The following DHX30 variants were observed in gnomAD, a reference collection of about 807,000 sequenced individuals.
The protein encoded by DHX30 is DExH-box helicase 30, also known as ATP-dependent RNA helicase DHX30.
A neutral mutation model predicts 116.9 loss-of-function variants in DHX30; 4 were observed. The ratio of observed to expected loss-of-function variants is 0.03; its 90% CI spans 0.02 to 0.08. The LOEUF is 0.08. Ranked by LOEUF, DHX30 falls within the 10% of genes least tolerant of loss-of-function variation. The pLI, the probability that DHX30 is intolerant of heterozygous loss-of-function variation, is 1.00. For synonymous variants in DHX30, 697 were observed against 651.7 expected, an observed-to-expected ratio of 1.07 and a Z score of -1.06; for missense variants, 871 against 1,595.1, an observed-to-expected ratio of 0.55 and a Z score of 7.73.
intron 6 of DHX30, chr3:47,831,207 G>T (rs1472332567): frequency 6.6e-6 from 1 of 152,044 alleles, no homozygotes; most frequent in Admixed American, 6.6e-5. Context: ...CTTCTGGTGA[G>T]GCCTCAGGAA....
chr3:47,826,022 T>A (rs910238305), intron 4 of DHX30: 1 of 152,230 alleles, frequency 6.6e-6, no homozygotes, highest in African/African-American at 2.4e-5. Context: ...CAGAGTTACA[T>A]CAGAACGCTT....
At chr3:47,832,091 A>G (rs1224325852) in intron 6 of DHX30, among the ~76,000 whole-genome samples, 1 of 144,212 alleles carries the variant, frequency 6.9e-6, no homozygotes, top group African/African-American at 2.6e-5. Flanking sequence ...TTTTTTTTTT[A>G]ATAGAGACAG....
rs1470666066 is a variant in DHX30, at chr3:47,850,028, C to G, written c.3493C>G (p.Gln1165Glu). The G allele has an allele frequency of 6.2e-6, 10 of 1,608,566 alleles. No homozygotes were observed. Among genetic ancestry groups the G allele is most frequent in the East Asian group, 2.2e-5 (1 of 44,716 alleles). The change falls in exon 22 of 22, where the codon CAG (glutamine) becomes GAG (glutamate). Residue 1165 changes from glutamine to glutamate, a missense_variant. Physicochemically the swap from Gln to Glu is conservative, Grantham distance 29. Around this residue, in one of 13 missense-constraint regions of DHX30, gnomAD observed 52 missense variants for 50.1 expected, o/e 1.04. Coordinates refer to ENST00000445061, the MANE Select transcript of DHX30 (RefSeq NM_138615.3). ...GCTGGCTGCACTTCCCCCCAGCGTA[C>G]AGGAGGAGCACGGGCAGCTGCTTGC... ...SELAALPPSV[Q>E]EEHGQLLALL...
In DHX30 at chr3:47,849,896, A is replaced by G. The variant is rs1220113743; in HGVS notation, c.3361A>G (p.Ser1121Gly). The change falls in exon 22 of 22, where the codon AGC becomes GGC. Residue 1121 changes from serine to glycine, a missense_variant. Around this residue, in one of 13 missense-constraint regions of DHX30, gnomAD observed 238 missense variants for 481.0 expected, o/e 0.49. Coordinates refer to ENST00000445061, the MANE Select transcript of DHX30 (RefSeq NM_138615.3). ...DDGRRATISL[S>G]DSDLLRLEGD... ...CGGGCGCCGGGCCACCATCTCACTGAGCGACAGTGACCTGCTGCGGCTGGA... is the reference window on the plus strand; with the variant it reads ...CGGGCGCCGGGCCACCATCTCACTGGGCGACAGTGACCTGCTGCGGCTGGA... The G allele has an allele frequency of 1.9e-6, 3 of 1,613,278 alleles. No homozygotes were observed. Among genetic ancestry groups the G allele is most frequent in the South Asian group, 1.1e-5 (1 of 91,026 alleles).
chr3:47,827,321 TA>T (rs2036594703), intron 4 of DHX30, 25 bp from the exon 5 acceptor site: 1 of 1,591,172 alleles, frequency 6.3e-7, no homozygotes, highest in Admixed American at 1.9e-5. Flanking sequence ...AGAACAACTG[TA>T]ATGCTTTTGT....
In DHX30 at chr3:47,841,851, T is replaced by C. The variant is rs2037389150; in HGVS notation, c.789+114T>C. 7 of 1,457,160 alleles carry C rather than the reference T, an allele frequency of 4.8e-6. 1 individual carries two copies. In the South Asian group the frequency reaches 8.5e-5, roughly 18 times the overall value. The allele number at this position is 1,457,160 out of a possible 1,614,324, so 90.3% of individuals were successfully genotyped here. The stretch of plus-strand genomic sequence containing the variant: ...GGGGTGTGTTCCTCCAGCCCAAACC[T>C]AGGCCAGGTGGAGGAACTCCTGCTT... On this transcript the variant is annotated intron_variant, in intron 8 of 21. Coordinates refer to ENST00000445061, the MANE Select transcript of DHX30 (RefSeq NM_138615.3).
rs960221299 is a variant in DHX30 at position 47,847,637 on chromosome 3, C to G, written c.2110+101C>G. On this transcript the variant is annotated intron_variant, in intron 13 of 21. Transcript: ENST00000445061. This position sits in a 1 kb window ranked among gnomAD's most constrained non-coding sequence, Gnocchi z 5.5. Reference sequence around the variant, plus strand: ...GACTCCAGGGGCCCCGGTTTCTGACCAAGCTGTGGCACTTTTCACTGGGCA... The same window carrying G: ...GACTCCAGGGGCCCCGGTTTCTGACGAAGCTGTGGCACTTTTCACTGGGCA... 3.4e-6 allele frequency: 5 copies of G among 1,451,526 alleles called. No individual in the cohort carries two copies. Among genetic ancestry groups the G allele is most frequent in the South Asian group, 2.7e-5 (2 of 72,958 alleles). 89.9% of individuals were successfully genotyped at this position (1,451,526 alleles called of 1,614,324 possible).
intron 6 of DHX30, among the ~76,000 whole-genome samples, chr3:47,830,072 T>C (rs2036772424): frequency 6.6e-6 from 1 of 151,294 alleles, no homozygotes; most frequent in Admixed American, 6.6e-5. Context: ...CTTTGTGATC[T>C]GCCTACCTCG....
rs1319126187 is a variant in DHX30, at chr3:47,847,028, G to A, written c.1929+27G>A. On this transcript the variant is annotated intron_variant, in intron 11 of 21. Coordinates refer to ENST00000445061, the MANE Select transcript of DHX30 (RefSeq NM_138615.3). The surrounding 1 kb of genome is among the most constrained non-coding windows in gnomAD (Gnocchi z 5.5). ...TGAGGGACACCCCCATCCCACCCAA[G>A]GCTCCTGGCCTTTCCTCCGTGGATG... 3.1e-6 allele frequency: 5 copies of A among 1,593,192 alleles called. No individual in the cohort carries two copies. The African/African-American group carries it at 6.7e-5, about 21-fold the overall frequency.
At chr3:47,842,461 G>A (rs1051754846) in intron 8 of DHX30, 1 of 152,298 alleles carries the variant, frequency 6.6e-6, no homozygotes, top group Non-Finnish European at 1.5e-5. Context: ...TGCTCTTCTT[G>A]TAACCATTTG....
chr3:47,843,552 G>T (rs569658191), intron 9 of DHX30, among the ~76,000 whole-genome samples: 3 of 152,208 alleles, frequency 2.0e-5, no homozygotes, highest in Admixed American at 6.5e-5. Context: ...AAAGCCGGGA[G>T]GAGCCGGGCC....
At chr3:47,822,448 A>T in intron 4 of DHX30, 1 of 139,036 alleles carries the variant, frequency 7.2e-6, no homozygotes, top group East Asian at 2.2e-4. Flanking sequence ...CAAAAGGCAC[A>T]TCTTACATGG....
chr3:47,831,354 TGA>T (rs1262033389), intron 6 of DHX30, among the ~76,000 whole-genome samples: 3 of 152,126 alleles, frequency 2.0e-5, no homozygotes, highest in Admixed American at 6.5e-5. Flanking sequence ...AAGCCATTCA[TGA>T]GAGATCTGCC....
At chr3:47,815,837 A>G (rs1056298440) in intron 3 of DHX30, 2 of 745,484 alleles carry the variant, frequency 2.7e-6, no homozygotes, top group South Asian at 6.2e-5. Context: ...CTCCAGGTAC[A>G]TGGTCAGAAG....
At chr3:47,822,067 C>G (rs2036323365) in intron 4 of DHX30, 1 of 152,218 alleles carries the variant, frequency 6.6e-6, no homozygotes, top group African/African-American at 2.4e-5. Context: ...ATGAGTGTGG[C>G]TCTGTTCCAA....
Position 47,847,277 on chromosome 3 carries a change from A to G in DHX30, c.1934A>G (p.Glu645Gly). The G allele has an allele frequency of 6.2e-7, 1 of 1,614,218 alleles. No homozygotes were observed. Residue 645 changes from glutamate (E) to glycine (G), a missense_variant, in exon 12 of 22, where the codon GAG (glutamate) becomes GGG (glycine). Physicochemically the swap from Glu to Gly is moderately conservative, Grantham distance 98. Around this residue, in one of 13 missense-constraint regions of DHX30, gnomAD observed 61 missense variants for 106.7 expected, o/e 0.57. Coordinates refer to ENST00000445061, the MANE Select transcript of DHX30 (RefSeq NM_138615.3). The surrounding 1 kb of genome is among the most constrained non-coding windows in gnomAD (Gnocchi z 5.5). ...YLHRHRHHES[E>G]DECALDLDLV... The stretch of plus-strand genomic sequence containing the variant: ...GCCTCTCTTCCCCCACCCCAGTCTG[A>G]GGATGAATGCGCACTCGATTTGGAC...
At chr3:47,807,073 G>A (rs1268589199) in intron 2 of DHX30, among the ~76,000 whole-genome samples, 1 of 152,076 alleles carries the variant, frequency 6.6e-6, no homozygotes, top group Admixed American at 6.5e-5. Flanking sequence ...AGGCGTGGTG[G>A]CGGGTGCCTG....
At chr3:47,837,019 A>G (rs2037148267) in intron 6 of DHX30, among the ~76,000 whole-genome samples, 1 of 152,220 alleles carries the variant, frequency 6.6e-6, no homozygotes, top group South Asian at 2.1e-4. Context: ...TGGCAGCACA[A>G]AGGGGACTGA....
At chr3:47,816,354 TTC>T (rs1465165876) in intron 3 of DHX30, 2 of 936,666 alleles carry the variant, frequency 2.1e-6, no homozygotes, top group Non-Finnish European at 1.2e-6. Context: ...AAGAGCCGTC[TTC>T]TTTTTTTTTT....
Sources: gnomAD v4.1 joint callset for allele counts (sites outside exome capture counted in the v4.1 genomes callset) on GRCh38, gnomAD v4.1.1 for gene constraint, gnomAD v4.1.1 regional missense constraint, Gnocchi (gnomAD v3.1) non-coding constraint, MANE v1.5 for transcripts, NCBI Gene and HGNC (gene_info 2026-07-23, HGNC 2026-07-21) for gene names.